Variants in LCA5 observed in about 807,000 individuals in gnomAD.
The protein encoded by LCA5 is lebercilin.
In LCA5, 37 loss-of-function variants were observed where a neutral mutation model predicts 53.0. The ratio of observed to expected loss-of-function variants is 0.70; its 90% CI spans 0.54 to 0.92. The LOEUF (loss-of-function observed/expected upper bound fraction) is 0.92, where lower values mean the gene tolerates loss of function less well. Ranked by LOEUF, LCA5 falls within the 40% of genes least tolerant of loss-of-function variation. The pLI, the probability that LCA5 is intolerant of heterozygous loss-of-function variation, is 0.00. For synonymous variants in LCA5, 303 were observed against 282.9 expected (o/e 1.07, Z -0.71); for missense variants, 806 against 790.5 (o/e 1.02, Z -0.23).
At chr6:79,514,744 A>G (rs890243568) in intron 2 of LCA5, among the ~76,000 whole-genome samples, 4 of 152,320 alleles carry the variant, frequency 2.6e-5, no homozygotes, top group South Asian at 2.1e-4. Flanking sequence ...CATTATCCTT[A>G]GCAAACTAAC....
chr6:79,507,283 G>C (rs1048106300), intron 3 of LCA5, among the ~76,000 whole-genome samples: 1 of 151,962 alleles, frequency 6.6e-6, no homozygotes, highest in African/African-American at 2.4e-5. Context: ...TAGATTTTTT[G>C]TTAAAAGATC....
chr6:79,537,645 G>T (rs912914224), upstream of LCA5, among the ~76,000 whole-genome samples: 1 of 152,202 alleles, frequency 6.6e-6, no homozygotes, highest in African/African-American at 2.4e-5. Flanking sequence ...GCTCCTACGG[G>T]CTGTGCGGTG....
chr6:79,532,436 G>A (rs569335134), intron 1 of LCA5, among the ~76,000 whole-genome samples: 17 of 152,258 alleles, frequency 1.1e-4, no homozygotes, highest in East Asian at 3.9e-4. Context: ...TCCTATGGCC[G>A]TCAGAGTCCT....
chr6:79,522,173 G>C (rs547589354), intron 1 of LCA5, among the ~76,000 whole-genome samples: 4 of 152,104 alleles, frequency 2.6e-5, no homozygotes, highest in East Asian at 1.9e-4. Context: ...CAAAATATTA[G>C]ATGGGGGGAA....
chr6:79,518,725 T>C lies in LCA5; in HGVS notation c.170A>G (p.Asp57Gly). The change falls in exon 2 of 8, where the codon GAT becomes GGT. Residue 57 changes from aspartate (D) to glycine (G), a missense_variant. By Grantham distance (94) the Asp-to-Gly change is moderately conservative. Coordinates refer to ENST00000369846, the MANE Select transcript of LCA5 (RefSeq NM_001122769.3). ...CTTACCTTGGTGATGTACTTGGCCA[T>C]CTGAAGTTTGTCTTTTAGGATTTTT... Reference protein sequence around the residue: ...RRKNPKRQTSDGQVHHQAPRK... With the variant: ...RRKNPKRQTSGGQVHHQAPRK... 6.2e-7 allele frequency: 1 copy of C among 1,614,148 alleles called. No homozygotes were observed. Among genetic ancestry groups the C allele is most frequent in the Non-Finnish European group, 8.5e-7 (1 of 1,180,008 alleles).
chr6:79,515,617 C>G (rs1243141604), intron 2 of LCA5, among the ~76,000 whole-genome samples: 1 of 151,602 alleles, frequency 6.6e-6, no homozygotes, highest in Non-Finnish European at 1.5e-5. Flanking sequence ...CATTTTTTTT[C>G]CAAGGAGAAA....
intron 3 of LCA5, 69 bp from the exon 4 acceptor site, chr6:79,493,819 G>T: frequency 8.3e-7 from 1 of 1,203,144 alleles, no homozygotes; most frequent in Non-Finnish European, 1.2e-6. Context: ...ACACATGGCA[G>T]TGTCAAAATG....
chr6:79,536,781 C>T (rs1767143034), intron 1 of LCA5, among the ~76,000 whole-genome samples: 1 of 152,120 alleles, frequency 6.6e-6, no homozygotes, highest in Non-Finnish European at 1.5e-5. Flanking sequence ...CTCCACGGGC[C>T]TCCGGGGTTT....
chr6:79,497,998 CA>C, intron 3 of LCA5, among the ~76,000 whole-genome samples: 1 of 148,224 alleles, frequency 6.7e-6, no homozygotes, highest in Non-Finnish European at 1.5e-5. Flanking sequence ...AGTCAACTGA[CA>C]AAAACTGTAC....
At chr6:79,537,995 G>A (rs190030905), upstream of LCA5, among the ~76,000 whole-genome samples, 164 of 130,026 alleles carry the variant, frequency 1.3e-3, 1 homozygote, top group African/African-American at 4.7e-3. Context: ...GGGTGGAATG[G>A]CATCTGAAAT....
rs145234523 is a variant in LCA5 at position 79,531,479 on chromosome 6, T to C, written c.-192+5686A>G. ...TTTCCAATAATTTTTTGAAGAGTAA[T>C]CTTTAACCTAGAATGCTATCACCAC... On this transcript the variant is annotated intron_variant, in intron 1 of 7. Transcript: ENST00000369846. Among the ~76,000 whole-genome samples, 148 of 152,254 alleles carry C rather than the reference T, an allele frequency of 9.7e-4. 1 individual carries two copies. The highest frequency in any genetic ancestry group is 3.2e-3 in the African/African-American group (134 of 41,556).
chr6:79,490,618 C>T (rs1039510459), intron 6 of LCA5, among the ~76,000 whole-genome samples: 3 of 152,014 alleles, frequency 2.0e-5, no homozygotes, highest in Non-Finnish European at 4.4e-5. Context: ...TCAATGACAG[C>T]ACAAATACAG....
At chr6:79,510,240 T>A (rs760107931) in intron 3 of LCA5, among the ~76,000 whole-genome samples, 11 of 152,082 alleles carry the variant, frequency 7.2e-5, no homozygotes, top group Admixed American at 2.6e-4. Flanking sequence ...CCAAAGCAAT[T>A]CAATAAAGGA....
At chr6:79,503,434 C>T (rs188914426) in intron 3 of LCA5, among the ~76,000 whole-genome samples, 1 of 152,260 alleles carries the variant, frequency 6.6e-6, no homozygotes, top group East Asian at 1.9e-4. Context: ...TAGACCAAAT[C>T]AGTAGTTTCA....
intron 3 of LCA5, among the ~76,000 whole-genome samples, chr6:79,512,897 G>A (rs564409999): frequency 1.1e-4 from 16 of 152,212 alleles, no homozygotes; most frequent in Non-Finnish European, 2.2e-4. Flanking sequence ...CTCTTACACA[G>A]TGGCCCCAAA....
chr6:79,538,576 C>G (rs919834284), upstream of LCA5, among the ~76,000 whole-genome samples: 4 of 152,212 alleles, frequency 2.6e-5, no homozygotes, highest in Admixed American at 1.3e-4. Flanking sequence ...ATTCTTTAAT[C>G]TGTCTCTGCT....
intron 7 of LCA5, chr6:79,488,844 T>C (rs1423476634): frequency 1.8e-6 from 1 of 545,398 alleles, no homozygotes; most frequent in Non-Finnish European, 3.2e-6. Flanking sequence ...TGAATGCAAC[T>C]TGTCCTTATT....
intron 6 of LCA5, among the ~76,000 whole-genome samples, chr6:79,490,898 G>A (rs1236754227): frequency 1.3e-5 from 2 of 152,172 alleles, no homozygotes; most frequent in East Asian, 3.9e-4. Flanking sequence ...AGACTTTCCA[G>A]TGATTCAGAA....
chr6:79,504,237 T>C (rs1770218031), intron 3 of LCA5, among the ~76,000 whole-genome samples: 1 of 152,204 alleles, frequency 6.6e-6, no homozygotes, highest in South Asian at 2.1e-4. Flanking sequence ...TCCATTAGTA[T>C]ACTAACATAC....
Sources: gnomAD v4.1 joint callset for allele counts (sites outside exome capture counted in the v4.1 genomes callset) on GRCh38, gnomAD v4.1.1 for gene constraint, MANE v1.5 for transcripts, NCBI Gene and HGNC (gene_info 2026-07-23, HGNC 2026-07-21) for gene names.